Variants in RASGRF1 observed in about 807,000 individuals in gnomAD.
The protein encoded by RASGRF1 is Ras protein specific guanine nucleotide releasing factor 1.
Under a neutral mutation model 138.7 loss-of-function variants are expected in RASGRF1, and 40 were observed. The observed-to-expected ratio is 0.29, with a 90% CI of 0.22 to 0.38. The LOEUF (loss-of-function observed/expected upper bound fraction) is 0.38, where lower values mean the gene tolerates loss of function less well. Among genes scored for constraint, RASGRF1 ranks in the 10% least tolerant of loss-of-function variants. The pLI is 1.00. For synonymous variants in RASGRF1, 614 were observed against 663.2 expected (o/e 0.93, Z 1.14); for missense variants, 1,108 against 1,650.4 (o/e 0.67, Z 5.69).
At chr15:79,062,091 CACTCT>C (rs778437205) in intron 2 of RASGRF1, among the ~76,000 whole-genome samples, 23 of 152,294 alleles carry the variant, frequency 1.5e-4, no homozygotes, top group Non-Finnish European at 1.9e-4. Context: ...GCATTTTAGC[CACTCT>C]ACTCTATAAG....
chr15:79,004,468 C>T (rs2056627313), intron 14 of RASGRF1, among the ~76,000 whole-genome samples: 1 of 152,110 alleles, frequency 6.6e-6, no homozygotes, highest in Non-Finnish European at 1.5e-5. Flanking sequence ...CTAAGGGTCC[C>T]CTGAGCTGCG....
intron 12 of RASGRF1, among the ~76,000 whole-genome samples, chr15:79,016,843 G>C (rs1269101116): frequency 2.0e-5 from 3 of 152,198 alleles, no homozygotes; most frequent in African/African-American, 7.2e-5. Context: ...GCCGTCCTAG[G>C]TCCCACGAAG....
At chr15:79,008,848 C>T (rs1312731239) in intron 13 of RASGRF1, among the ~76,000 whole-genome samples, 1 of 152,198 alleles carries the variant, frequency 6.6e-6, no homozygotes, top group Non-Finnish European at 1.5e-5. Context: ...GACTCCGTGA[C>T]GATGTGCAGC....
chr15:79,027,409 TC>T lies in RASGRF1; in HGVS notation c.1381+331del, dbSNP rs1163016600. On this transcript the variant is annotated intron_variant, in intron 9 of 26. Transcript: ENST00000558480. This position sits in a 1 kb window ranked among gnomAD's most constrained non-coding sequence, Gnocchi z 4.8. ...CACAGAGACAACTGTTAGCTCCTCA[TC>T]CCCCGCCCCATACTTTCTCCCCAAA... 6.6e-6 allele frequency among the ~76,000 whole-genome samples: 1 copy of T among 152,034 alleles called. No individual in the cohort carries two copies. Among genetic ancestry groups the T allele is most frequent in the Non-Finnish European group, 1.5e-5 (1 of 68,016 alleles).
chr15:79,034,214 C>G (rs768076501), intron 6 of RASGRF1, among the ~76,000 whole-genome samples: 4 of 152,172 alleles, frequency 2.6e-5, no homozygotes, highest in Non-Finnish European at 2.9e-5. Context: ...TCCTTTACTT[C>G]CCTAAGCCAT....
chr15:79,041,884 T>C (rs1436738162), intron 5 of RASGRF1, among the ~76,000 whole-genome samples: 8 of 152,190 alleles, frequency 5.3e-5, no homozygotes, highest in Admixed American at 5.2e-4. Flanking sequence ...CATGCTCCCC[T>C]GCTGAACCTC....
At position 79,031,382 on chromosome 15, in the gene RASGRF1, T is replaced by C; in HGVS notation, c.1262+18A>G. On this transcript the variant is annotated intron_variant, in intron 8 of 26. Coordinates refer to ENST00000558480, the MANE Select transcript of RASGRF1 (RefSeq NM_001145648.3). ...TGCCCTGTCTGCCGGTCTGGTGCAC[T>C]GAAGAGCCAGGCCTCACCTGGACAG... 1 of 1,565,426 alleles carries C rather than the reference T, an allele frequency of 6.4e-7. No homozygotes were observed. Among genetic ancestry groups the C allele is most frequent in the Non-Finnish European group, 8.7e-7 (1 of 1,144,306 alleles).
intron 21 of RASGRF1, 113 bp downstream of exon 21, chr15:78,991,578 A>T (rs2056267878): frequency 1.2e-6 from 1 of 800,028 alleles, no homozygotes; most frequent in Admixed American, 2.3e-5. Context: ...CTATTGTTTC[A>T]AGCTGTGGAG....
In RASGRF1 at chr15:79,036,742, G is replaced by T. The variant is rs531732730; in HGVS notation, c.879-1532C>A. Among the ~76,000 whole-genome samples, 3 of 152,092 alleles carry T rather than the reference G, an allele frequency of 2.0e-5. No individual in the cohort carries two copies. In the East Asian group the frequency reaches 5.8e-4, roughly 29 times the overall value. Reference sequence around the variant, plus strand: ...GAAACAGGTAGGGTGGGGAGACAGAGGATGTGAGAGAGATAGCAAGAGAGA... The same window carrying T: ...GAAACAGGTAGGGTGGGGAGACAGATGATGTGAGAGAGATAGCAAGAGAGA... On this transcript the variant is annotated intron_variant, in intron 5 of 26. Coordinates refer to ENST00000558480, the MANE Select transcript of RASGRF1 (RefSeq NM_001145648.3).
intron 1 of RASGRF1, among the ~76,000 whole-genome samples, chr15:79,067,240 C>T (rs1595959570): frequency 6.6e-6 from 1 of 152,242 alleles, no homozygotes; most frequent in East Asian, 1.9e-4. Flanking sequence ...TATCCAGAGC[C>T]ACTTCAGGCT....
chr15:78,970,505 C>CCTTTTAGGAT (rs2055731509), intron 26 of RASGRF1, among the ~76,000 whole-genome samples: 1 of 151,152 alleles, frequency 6.6e-6, no homozygotes, highest in East Asian at 2.0e-4. Context: ...AGTCCCTGAT[C>CCTTTTAGGAT]CCAGCTATGC....
intron 20 of RASGRF1, among the ~76,000 whole-genome samples, chr15:78,994,853 G>T (rs1053148298): frequency 1.3e-5 from 2 of 151,998 alleles, no homozygotes; most frequent in Non-Finnish European, 2.9e-5. Context: ...AGACCTGGGT[G>T]TGAACACCAG....
intron 5 of RASGRF1, among the ~76,000 whole-genome samples, chr15:79,038,805 T>C (rs2057256672): frequency 6.6e-6 from 1 of 152,208 alleles, no homozygotes; most frequent in African/African-American, 2.4e-5. Context: ...CTTTCCCCAC[T>C]CCCAAACTGC....
intron 3 of RASGRF1, among the ~76,000 whole-genome samples, chr15:79,051,667 C>G (rs1476563852): frequency 6.6e-6 from 1 of 152,162 alleles, no homozygotes; most frequent in Non-Finnish European, 1.5e-5. Flanking sequence ...GTGCTCTTCT[C>G]AGAGAGAGGC....
At chr15:79,014,948 A>G (rs1324609946) in intron 13 of RASGRF1, among the ~76,000 whole-genome samples, 2 of 151,306 alleles carry the variant, frequency 1.3e-5, no homozygotes, top group Non-Finnish European at 2.9e-5. Context: ...CAAAAAACAA[A>G]AAACAAACAA....
At position 78,998,701 on chromosome 15, in the gene RASGRF1, G is replaced by A. The variant is rs373069540; in HGVS notation, c.2853+18C>T. On this transcript the variant is annotated intron_variant, in intron 18 of 26. Coordinates refer to ENST00000558480, the MANE Select transcript of RASGRF1 (RefSeq NM_001145648.3). ...CTGGTGGTCCCCAGCAGCCTGCCCA[G>A]GGAGGGCTCCCACCCACCTGAGAGT... The A allele has an allele frequency of 4.1e-5, 66 of 1,598,720 alleles. No individual in the cohort carries two copies. The highest frequency in any genetic ancestry group is 5.1e-5 in the Non-Finnish European group (59 of 1,166,348).
chr15:79,063,326 C>T (rs550307515), intron 2 of RASGRF1, among the ~76,000 whole-genome samples: 1 of 152,296 alleles, frequency 6.6e-6, no homozygotes, highest in East Asian at 1.9e-4. Flanking sequence ...ATGGCCTTAT[C>T]TCAGGGCCAA....
At chr15:79,066,741 CTG>C (rs1264523963) in intron 1 of RASGRF1, among the ~76,000 whole-genome samples, 3 of 152,218 alleles carry the variant, frequency 2.0e-5, no homozygotes, top group African/African-American at 4.8e-5. Context: ...GGAAACCTAA[CTG>C]TGAGGAAGGA....
At chr15:79,028,042 T>A (rs1347024511) in intron 8 of RASGRF1, among the ~76,000 whole-genome samples, 183 bp from the exon 9 acceptor site, 1 of 152,180 alleles carries the variant, frequency 6.6e-6, no homozygotes, top group Non-Finnish European at 1.5e-5. Context: ...TGCCGGGCAC[T>A]TCATAGGCAC....
Sources: gnomAD v4.1 joint callset for allele counts (sites outside exome capture counted in the v4.1 genomes callset) on GRCh38, gnomAD v4.1.1 for gene constraint, Gnocchi (gnomAD v3.1) non-coding constraint, MANE v1.5 for transcripts, NCBI Gene and HGNC (gene_info 2026-07-23, HGNC 2026-07-21) for gene names.